MATCAP2: variants seen among roughly 807,000 people sequenced by gnomAD.
The protein encoded by MATCAP2 is microtubule associated tyrosine carboxypeptidase 2.
the MATCAP2 span, among the ~76,000 whole-genome samples, chr7:36,329,915 T>C: frequency 3.3e-5 from 5 of 152,302 alleles, no homozygotes; most frequent in East Asian, 7.7e-4. Context: ...TACTTTCTAA[T>C]GTGATGCAAT....
At chr7:36,384,842 T>C in the MATCAP2 span, among the ~76,000 whole-genome samples, 2 of 150,022 alleles carry the variant, frequency 1.3e-5, no homozygotes, top group Non-Finnish European at 3.0e-5. Context: ...AAAAAAGGCC[T>C]GAAGCTGGAG....
chr7:36,370,928 A>G, the MATCAP2 span, among the ~76,000 whole-genome samples: 1 of 152,184 alleles, frequency 6.6e-6, no homozygotes, highest in Admixed American at 6.5e-5. Context: ...TTTTATGGTC[A>G]TCTTTATGAA....
chr7:36,363,275 T>C, the MATCAP2 span, among the ~76,000 whole-genome samples: 2 of 152,232 alleles, frequency 1.3e-5, no homozygotes, highest in Non-Finnish European at 2.9e-5. Context: ...TAAACATTCA[T>C]CTTTGATATA....
chr7:36,367,855 G>A, the MATCAP2 span, among the ~76,000 whole-genome samples: 1 of 152,306 alleles, frequency 6.6e-6, no homozygotes, highest in South Asian at 2.1e-4. Context: ...CTTGAGGCCA[G>A]GAGTTGGAGA....
At chr7:36,341,059 T>A in the MATCAP2 span, among the ~76,000 whole-genome samples, 1 of 152,234 alleles carries the variant, frequency 6.6e-6, no homozygotes. Flanking sequence ...TTCCTCACAA[T>A]ATGTAATATG....
chr7:36,367,222 C>A, the MATCAP2 span: 1 of 1,146,482 alleles, frequency 8.7e-7, no homozygotes, highest in Non-Finnish European at 1.1e-6. Flanking sequence ...CGTAGCCGCT[C>A]CGCCGGTTGC....
At chr7:36,375,721 A>G in the MATCAP2 span, among the ~76,000 whole-genome samples, 1 of 152,006 alleles carries the variant, frequency 6.6e-6, no homozygotes, top group African/African-American at 2.4e-5. Context: ...CTGGTGCTGG[A>G]CTTTTTTTGG....
At chr7:36,349,549 A>ACC in the MATCAP2 span, among the ~76,000 whole-genome samples, 1 of 151,576 alleles carries the variant, frequency 6.6e-6, no homozygotes, top group Non-Finnish European at 1.5e-5. Flanking sequence ...CACACCTTAT[A>ACC]CCCCTCTTGT....
chr7:36,360,591 C>T, the MATCAP2 span, among the ~76,000 whole-genome samples: 2 of 152,140 alleles, frequency 1.3e-5, no homozygotes, highest in African/African-American at 2.4e-5. Context: ...CATGGTCCTT[C>T]ACGCAACTCA....
chr7:36,326,730 GC>G, the MATCAP2 span: 1 of 1,593,846 alleles, frequency 6.3e-7, no homozygotes, highest in Non-Finnish European at 8.6e-7. Context: ...TGGAGGCATA[GC>G]TTAGCTATGT....
chr7:36,390,133 C>T, the MATCAP2 span: 11 of 1,599,312 alleles, frequency 6.9e-6, no homozygotes, highest in South Asian at 1.2e-4. Flanking sequence ...CGAACCCCCA[C>T]CGGGCGGAGG....
chr7:36,370,500 T>TG, the MATCAP2 span, among the ~76,000 whole-genome samples: 1 of 152,222 alleles, frequency 6.6e-6, no homozygotes, highest in South Asian at 2.1e-4. Flanking sequence ...CCTTTTGAGA[T>TG]GGAGTTTCGC....
the MATCAP2 span, among the ~76,000 whole-genome samples, chr7:36,381,958 T>G: frequency 6.6e-6 from 1 of 152,122 alleles, no homozygotes; most frequent in Non-Finnish European, 1.5e-5. Context: ...CAGACATCAA[T>G]GGAGTGCAAT....
chr7:36,378,024 A>G, the MATCAP2 span, among the ~76,000 whole-genome samples: 1 of 152,144 alleles, frequency 6.6e-6, no homozygotes, highest in African/African-American at 2.4e-5. Flanking sequence ...CAAGGTTTTT[A>G]GCTTCCTTGC....
the MATCAP2 span, chr7:36,390,317 G>GT: frequency 1.9e-6 from 1 of 527,840 alleles, no homozygotes; most frequent in Non-Finnish European, 3.4e-6. Context: ...TTCAGCCCCC[G>GT]TTTTTACCAT....
chr7:36,334,535 CAAAAAAAAAAAAAAAA>C, the MATCAP2 span, among the ~76,000 whole-genome samples: 1 of 49,522 alleles, frequency 2.0e-5, no homozygotes, highest in African/African-American at 9.2e-5. Flanking sequence ...GATCCCATCT[CAAAAAAAAAAAAAAAA>C]AAAAAAAAAA....
chr7:36,326,461 G>A, the MATCAP2 span: 3 of 192,748 alleles, frequency 1.6e-5, no homozygotes, highest in African/African-American at 7.0e-5. Context: ...TACTGCTCAG[G>A]CAGAAATTTA....
the MATCAP2 span, among the ~76,000 whole-genome samples, chr7:36,362,383 T>C: frequency 6.6e-6 from 1 of 152,230 alleles, no homozygotes. Flanking sequence ...AATTCAGTGC[T>C]GCTCTATTAG....
At chr7:36,389,920 C>T in the MATCAP2 span, 2 of 1,603,918 alleles carry the variant, frequency 1.2e-6, no homozygotes, top group South Asian at 2.2e-5. Context: ...GTTCCCCCGC[C>T]TCAGACTCCT....
Sources: gnomAD v4.1 joint callset for allele counts (sites outside exome capture counted in the v4.1 genomes callset) on GRCh38, gnomAD v4.1.1 for gene constraint, MANE v1.5 for transcripts, NCBI Gene and HGNC (gene_info 2026-07-23, HGNC 2026-07-21) for gene names.